Variants in HOOK3 observed in about 807,000 individuals in gnomAD.
The protein encoded by HOOK3 is hook microtubule tethering protein 3.
HOOK3 carries 24 observed loss-of-function variants against 116.3 expected under a neutral mutation model. The ratio of observed to expected loss-of-function variants is 0.21; its 90% CI spans 0.15 to 0.29. The LOEUF (loss-of-function observed/expected upper bound fraction) is 0.29, where lower values mean the gene tolerates loss of function less well. Ranked by LOEUF, HOOK3 falls within the 10% of genes least tolerant of loss-of-function variation. The pLI is 1.00. For missense variants in HOOK3, 632 were observed against 830.2 expected, an observed-to-expected ratio of 0.76 and a Z score of 2.93; for synonymous variants, 275 against 283.0, an observed-to-expected ratio of 0.97 and a Z score of 0.28.
rs765464370 is a variant in HOOK3 at position 42,906,223 on chromosome 8, G to A, written c.108G>A (p.Thr36=). 40 of 1,556,782 alleles carry A rather than the reference G, an allele frequency of 2.6e-5. No homozygotes were observed. Among genetic ancestry groups the A allele is most frequent in the Admixed American group, 1.4e-4 (8 of 56,770 alleles). The change falls in exon 2 of 22, where the codon ACG becomes ACA. Residue 36 remains threonine (T), a synonymous_variant. Coordinates refer to ENST00000307602, the MANE Select transcript of HOOK3 (RefSeq NM_032410.4). ...DAPCQTVEDL[T]NGVVMAQVLQ... ...CATGCCAGACCGTGGAAGATTTAAC[G>A]AATGGGGTTGTGATGGCCCAGGTTC...
intron 3 of HOOK3, among the ~76,000 whole-genome samples, chr8:42,926,564 G>A (rs1807769786): frequency 6.6e-6 from 1 of 152,124 alleles, no homozygotes; most frequent in African/African-American, 2.4e-5. Flanking sequence ...GGAATTACAA[G>A]CATCAGCCAT....
Position 42,914,404 on chromosome 8 carries a change from C to T in HOOK3, c.143+8146C>T, listed in dbSNP as rs569997410. Among the ~76,000 whole-genome samples the T allele has an allele frequency of 3.9e-5, 6 of 152,290 alleles. No homozygotes were observed. The South Asian group carries it at 1.2e-3, about 32-fold the overall frequency. On this transcript the variant is annotated intron_variant, in intron 2 of 21. Coordinates refer to ENST00000307602, the MANE Select transcript of HOOK3 (RefSeq NM_032410.4). ...CTCATTCCCATGATTATGCCCTATA[C>T]CTTATAATTATGAATAATATGTAAT... is the stretch of plus-strand genomic sequence containing the variant.
intron 5 of HOOK3, among the ~76,000 whole-genome samples, chr8:42,948,597 A>G (rs1808279636): frequency 6.6e-6 from 1 of 152,064 alleles, no homozygotes; most frequent in Non-Finnish European, 1.5e-5. Flanking sequence ...CTTCCCCATT[A>G]TCAGTGCCAC....
Position 42,954,133 on chromosome 8 carries a change from GTAGA to G in HOOK3, c.469-2956_469-2953del, listed in dbSNP as rs771986490. ...GAAAGCTCATATTAGGTTTAAAAAG[GTAGA>G]TAGAAAGCACATGAACAATATTATG... is the stretch of plus-strand genomic sequence containing the variant. On this transcript the variant is annotated intron_variant, in intron 6 of 21. Coordinates refer to ENST00000307602, the MANE Select transcript of HOOK3 (RefSeq NM_032410.4). Among the ~76,000 whole-genome samples, 11 of 152,150 alleles carry G rather than the reference GTAGA, an allele frequency of 7.2e-5. No homozygotes were observed. The South Asian group carries it at 1.2e-3, about 17-fold the overall frequency.
chr8:42,947,726 A>C (rs1380414575), intron 5 of HOOK3, among the ~76,000 whole-genome samples: 1 of 152,046 alleles, frequency 6.6e-6, no homozygotes, highest in East Asian at 1.9e-4. Context: ...ATAATGTAAA[A>C]CTCACTAAAG....
chr8:43,014,810 A>C (rs551635073), intron 21 of HOOK3, among the ~76,000 whole-genome samples: 1 of 152,174 alleles, frequency 6.6e-6, no homozygotes, highest in Non-Finnish European at 1.5e-5. Flanking sequence ...CATAAATTTC[A>C]TTATATATTA....
rs919419836 is a variant in HOOK3, at chr8:43,024,568, A to G, written c.*6070A>G. Reference sequence around the variant, plus strand: ...GTTTCAGAGCTTATTCTTGATAACTATAATAATGATTTGAATGTTTTATAT... The same window carrying G: ...GTTTCAGAGCTTATTCTTGATAACTGTAATAATGATTTGAATGTTTTATAT... On this transcript the variant is annotated 3_prime_UTR_variant, in exon 22 of 22. Transcript: ENST00000307602. 1 of 186,470 alleles carries G rather than the reference A, an allele frequency of 5.4e-6. No homozygotes were observed. The highest frequency in any genetic ancestry group is 6.2e-5 in the Admixed American group (1 of 16,094). The allele number at this position is 186,470 out of a possible 1,614,324, so 11.6% of individuals were successfully genotyped here.
At chr8:42,942,887 AT>A (rs1468618007) in intron 4 of HOOK3, among the ~76,000 whole-genome samples, 2 of 152,118 alleles carry the variant, frequency 1.3e-5, no homozygotes, top group Non-Finnish European at 2.9e-5. Flanking sequence ...TGACGTAGGT[AT>A]TTTGCTGCCG....
chr8:43,029,988 G>T lies in HOOK3; in HGVS notation c.*11490G>T, dbSNP rs529507379. The T allele has an allele frequency of 6.6e-5, 14 of 213,628 alleles. No individual in the cohort carries two copies. In the South Asian group the frequency reaches 2.4e-3, roughly 37 times the overall value. The allele number at this position is 213,628 out of a possible 1,614,324, so 13.2% of individuals were successfully genotyped here. ...ATATTCTTATTTCTGATTGAGTATT[G>T]AATTTACATTTTTCAGAATTTCATT... On this transcript the variant is annotated 3_prime_UTR_variant, in exon 22 of 22. Coordinates refer to ENST00000307602, the MANE Select transcript of HOOK3 (RefSeq NM_032410.4).
intron 15 of HOOK3, among the ~76,000 whole-genome samples, chr8:42,995,922 C>A (rs1422849800): frequency 6.6e-6 from 1 of 152,082 alleles, no homozygotes; most frequent in East Asian, 1.9e-4. Context: ...TGCTCTTGAA[C>A]CTTTTTGATA....
chr8:42,920,348 A>G (rs1247255685), intron 2 of HOOK3, among the ~76,000 whole-genome samples: 1 of 152,242 alleles, frequency 6.6e-6, no homozygotes, highest in African/African-American at 2.4e-5. Context: ...ATGGCAATGG[A>G]AGCTACGGTT....
intron 10 of HOOK3, 46 bp from the exon 11 acceptor site, chr8:42,967,967 A>T: frequency 9.6e-7 from 1 of 1,043,744 alleles, no homozygotes; most frequent in South Asian, 1.3e-5. Context: ...CAACTTTACA[A>T]GTGTGGATGT....
intron 15 of HOOK3, among the ~76,000 whole-genome samples, chr8:42,996,361 G>A (rs1809266518): frequency 6.7e-6 from 1 of 149,038 alleles, no homozygotes; most frequent in South Asian, 2.1e-4. Context: ...ACTCCAGCCT[G>A]GGCAACAGAA....
intron 6 of HOOK3, among the ~76,000 whole-genome samples, chr8:42,953,654 GAGTA>G (rs1311456154): frequency 3.3e-5 from 5 of 151,940 alleles, no homozygotes; most frequent in African/African-American, 1.2e-4. Flanking sequence ...ATTGGGCTGT[GAGTA>G]AGCAATTTCC....
Position 42,906,244 on chromosome 8 carries a change from G to A in HOOK3, c.129G>A (p.Gln43=), listed in dbSNP as rs1440135074. 2 of 1,602,810 alleles carry A rather than the reference G, an allele frequency of 1.2e-6. No homozygotes were observed. The highest frequency in any genetic ancestry group is 1.4e-5 in the African/African-American group (1 of 74,064). ...TAACGAATGGGGTTGTGATGGCCCA[G>A]GTTCTTCAAAAGATGTAAGAATAAA... ...EDLTNGVVMA[Q]VLQKIDPAYF... is the part of the protein sequence containing the mutation. The change falls in exon 2 of 22, where the codon CAG becomes CAA. Residue 43 remains glutamine, a synonymous_variant. Transcript: ENST00000307602.
chr8:42,956,516 T>C (rs957598125), intron 6 of HOOK3, among the ~76,000 whole-genome samples: 6 of 152,158 alleles, frequency 3.9e-5, no homozygotes, highest in Non-Finnish European at 7.3e-5. Flanking sequence ...TTTACTTTTT[T>C]TCTCTTGCCG....
intron 8 of HOOK3, among the ~76,000 whole-genome samples, chr8:42,961,008 C>T (rs767172359): frequency 3.3e-5 from 5 of 152,164 alleles, no homozygotes; most frequent in Non-Finnish European, 5.9e-5. Flanking sequence ...CCAATCATGG[C>T]AGAAGGCAAA....
At chr8:42,947,479 G>A (rs1808251683) in intron 5 of HOOK3, among the ~76,000 whole-genome samples, 1 of 152,150 alleles carries the variant, frequency 6.6e-6, no homozygotes, top group South Asian at 2.1e-4. Context: ...AAAGAAGATA[G>A]TCAATTATAA....
At position 43,020,306 on chromosome 8, in the gene HOOK3, A is replaced by C. The variant is rs1424537485; in HGVS notation, c.*1808A>C. 5.0e-6 allele frequency: 1 copy of C among 200,072 alleles called. No homozygotes were observed. The highest frequency in any genetic ancestry group is 1.0e-5 in the Non-Finnish European group (1 of 97,018). 12.4% of individuals were successfully genotyped at this position (200,072 alleles called of 1,614,324 possible). On this transcript the variant is annotated 3_prime_UTR_variant, in exon 22 of 22. Transcript: ENST00000307602. ...AGTAGAACTGCTGTAGGGCTTCAGG[A>C]GGCTACGCAGACCTGATCAACTGCA...
Sources: allele counts gnomAD v4.1 joint callset (sites outside exome capture counted in the v4.1 genomes callset), GRCh38; gene constraint gnomAD v4.1.1; transcripts MANE v1.5; gene names NCBI Gene and HGNC (gene_info 2026-07-23, HGNC 2026-07-21).